Variants in AFF3 observed in about 807,000 individuals in gnomAD.
AFF3 encodes the protein ALF transcription elongation factor 3.
AFF3 carries 32 observed loss-of-function variants against 129.7 expected under a neutral mutation model. That is an observed-to-expected ratio of 0.25 (90% confidence interval 0.19 to 0.33). The LOEUF (loss-of-function observed/expected upper bound fraction) is 0.33. Ranked by LOEUF, AFF3 falls within the 10% of genes least tolerant of loss-of-function variation. AFF3 has a pLI of 1.00. For missense variants in AFF3, 1,373 were observed against 1,592.0 expected (o/e 0.86, Z 2.34); for synonymous variants, 644 against 635.4 (o/e 1.01, Z -0.20).
intron 13 of AFF3, among the ~76,000 whole-genome samples, chr2:99,610,412 GA>G (rs1371894840): frequency 6.6e-6 from 1 of 152,166 alleles, no homozygotes; most frequent in African/African-American, 2.4e-5. Context: ...AAATTATTGA[GA>G]TACAATTTAT....
chr2:100,113,305 A>G (rs897516993), intron 2 of AFF3, among the ~76,000 whole-genome samples: 1 of 152,260 alleles, frequency 6.6e-6, no homozygotes, highest in Non-Finnish European at 1.5e-5. Flanking sequence ...TGTCTAGAAG[A>G]TAATGCACAC....
At chr2:99,572,851 T>C (rs1004201721) in intron 18 of AFF3, among the ~76,000 whole-genome samples, 2 of 152,184 alleles carry the variant, frequency 1.3e-5, no homozygotes, top group African/African-American at 4.8e-5. Context: ...TCCCCACAGA[T>C]CCAGGTAGAT....
intron 14 of AFF3, among the ~76,000 whole-genome samples, chr2:99,595,728 C>G (rs1679221596): frequency 6.6e-6 from 1 of 152,150 alleles, no homozygotes; most frequent in Non-Finnish European, 1.5e-5. Flanking sequence ...AATAAGAGGG[C>G]TGTATCATAG....
At chr2:99,868,693 G>C (rs1691631550) in intron 7 of AFF3, among the ~76,000 whole-genome samples, 1 of 152,174 alleles carries the variant, frequency 6.6e-6, no homozygotes, top group Admixed American at 6.5e-5. Context: ...AGGAAAAGAG[G>C]ATAAGGTTAC....
chr2:99,601,811 T>A (rs1314384049), intron 13 of AFF3, among the ~76,000 whole-genome samples, 190 bp from the exon 14 acceptor site: 2 of 152,122 alleles, frequency 1.3e-5, no homozygotes, highest in Non-Finnish European at 2.9e-5. Context: ...AAGCAACTCA[T>A]ATACAGAAAT....
intron 8 of AFF3, among the ~76,000 whole-genome samples, chr2:99,816,856 T>G (rs953349563): frequency 6.6e-6 from 1 of 152,162 alleles, no homozygotes; most frequent in East Asian, 1.9e-4. Flanking sequence ...TTTTGTGTTC[T>G]TCTTTTCTCC....
chr2:99,567,549 T>C (rs1188018197), intron 19 of AFF3, among the ~76,000 whole-genome samples: 1 of 152,082 alleles, frequency 6.6e-6, no homozygotes, highest in Non-Finnish European at 1.5e-5. Flanking sequence ...GCAGAGAGGC[T>C]GGGAAGGCCA....
At chr2:99,756,948 C>A (rs1682151036) in intron 8 of AFF3, among the ~76,000 whole-genome samples, 1 of 152,196 alleles carries the variant, frequency 6.6e-6, no homozygotes, top group African/African-American at 2.4e-5. Flanking sequence ...ATAGAAGCAG[C>A]CCTGACATAA....
At chr2:99,956,997 A>G (rs1394030706) in intron 7 of AFF3, among the ~76,000 whole-genome samples, 3 of 152,246 alleles carry the variant, frequency 2.0e-5, no homozygotes, top group African/African-American at 7.2e-5. Context: ...GAAACAGCTG[A>G]GAGTGGTGCT....
chr2:100,034,187 G>C (rs1684731158), intron 4 of AFF3, among the ~76,000 whole-genome samples: 1 of 152,086 alleles, frequency 6.6e-6, no homozygotes, highest in Non-Finnish European at 1.5e-5. Context: ...TCTATACTTA[G>C]TTTTATGCCA....
chr2:99,626,347 TCCTTCCTTCCTTCCTCTTTCCTC>T (rs1198924648), intron 13 of AFF3, among the ~76,000 whole-genome samples: 1 of 145,232 alleles, frequency 6.9e-6, no homozygotes, highest in African/African-American at 2.6e-5. Context: ...CCTCTCTCTT[TCCTTCCTTCCTTCCTCTTTCCTC>T]CCTTCCTTCC....
At chr2:100,055,645 CTT>C (rs1024184282) in intron 4 of AFF3, among the ~76,000 whole-genome samples, 3 of 152,090 alleles carry the variant, frequency 2.0e-5, no homozygotes, top group African/African-American at 7.2e-5. Flanking sequence ...GATCAGCAAA[CTT>C]TGTCTGTTAA....
At chr2:99,631,698 T>C (rs772249525) in intron 13 of AFF3, among the ~76,000 whole-genome samples, 2 of 152,250 alleles carry the variant, frequency 1.3e-5, no homozygotes, top group Non-Finnish European at 2.9e-5. Context: ...TCTTTTGTAA[T>C]GCTGAATGAT....
chr2:100,094,350 G>A (rs1690110886), intron 4 of AFF3, among the ~76,000 whole-genome samples: 1 of 152,078 alleles, frequency 6.6e-6, no homozygotes, highest in South Asian at 2.1e-4. Context: ...ATCTGGGGGT[G>A]ATGGGAGACA....
At chr2:100,089,194 G>A (rs898767176) in intron 4 of AFF3, among the ~76,000 whole-genome samples, 7 of 151,810 alleles carry the variant, frequency 4.6e-5, no homozygotes, top group African/African-American at 1.2e-4. Context: ...CTCAACAGTC[G>A]ATTATCACTC....
intron 11 of AFF3, among the ~76,000 whole-genome samples, chr2:99,687,389 C>A (rs1170361582): frequency 6.6e-6 from 1 of 151,990 alleles, no homozygotes; most frequent in Non-Finnish European, 1.5e-5. Flanking sequence ...ATGGCAGGGG[C>A]CAGATGCGGG....
intron 11 of AFF3, among the ~76,000 whole-genome samples, chr2:99,710,096 G>T (rs1443504357): frequency 6.6e-6 from 1 of 152,104 alleles, no homozygotes; most frequent in Non-Finnish European, 1.5e-5. Flanking sequence ...TTCTAATGTT[G>T]TCTCCTTTCT....
At chr2:100,137,026 T>A (rs1692666122) in intron 1 of AFF3, among the ~76,000 whole-genome samples, 1 of 152,222 alleles carries the variant, frequency 6.6e-6, no homozygotes, top group Admixed American at 6.5e-5. Flanking sequence ...TTTTTCTTTT[T>A]GCCATAAGGA....
intron 7 of AFF3, among the ~76,000 whole-genome samples, chr2:99,918,402 A>T (rs1695626695): frequency 1.3e-5 from 2 of 152,146 alleles, no homozygotes; most frequent in African/African-American, 4.8e-5. Flanking sequence ...AAACTCTCCT[A>T]AAAAACATGT....
Sources: allele counts gnomAD v4.1 joint callset (sites outside exome capture counted in the v4.1 genomes callset), GRCh38; gene constraint gnomAD v4.1.1; transcripts MANE v1.5; gene names NCBI Gene and HGNC (gene_info 2026-07-23, HGNC 2026-07-21).